CSMD1: variants seen among roughly 807,000 people sequenced by gnomAD.
CSMD1 encodes CUB and Sushi multiple domains 1, also known as CUB and sushi domain-containing protein 1.
Under a neutral mutation model 417.5 loss-of-function variants are expected in CSMD1, and 213 were observed. The ratio of observed to expected loss-of-function variants is 0.51; its 90% CI spans 0.46 to 0.57. The LOEUF is 0.57. CSMD1 is among the 20% of genes least tolerant of loss of function. CSMD1 has a pLI of 0.00. For missense variants in CSMD1, 6,923 were observed against 4,529.7 expected (o/e 1.53, Z -15.17); for synonymous variants, 2,862 against 1,736.8 (o/e 1.65, Z -16.11).
chr8:3,454,527 G>C (rs570740152), intron 12 of CSMD1, among the ~76,000 whole-genome samples: 131 of 152,266 alleles, frequency 8.6e-4, no homozygotes, highest in African/African-American at 2.5e-3. Context: ...GAATCTCTCA[G>C]CATTTGCTTG....
chr8:3,975,544 A>G (rs1172404698), intron 5 of CSMD1, among the ~76,000 whole-genome samples: 1 of 152,148 alleles, frequency 6.6e-6, no homozygotes, highest in Non-Finnish European at 1.5e-5. Flanking sequence ...GGCTTCTCCC[A>G]CTGTCGGGAT....
intron 25 of CSMD1, among the ~76,000 whole-genome samples, chr8:3,292,318 A>G (rs1392693200): frequency 2.6e-5 from 4 of 152,024 alleles, no homozygotes; most frequent in Admixed American, 6.6e-5. Flanking sequence ...TTTGGGGTGG[A>G]GAGTTCTGTA....
chr8:3,088,005 T>C (rs2129006554), intron 48 of CSMD1, among the ~76,000 whole-genome samples: 1 of 152,350 alleles, frequency 6.6e-6, no homozygotes, highest in African/African-American at 2.4e-5. Flanking sequence ...TTCTGGACTG[T>C]ACAATGATGT....
At chr8:3,373,273 C>G (rs569176165) in intron 18 of CSMD1, 12 of 152,282 alleles carry the variant, frequency 7.9e-5, no homozygotes, top group African/African-American at 2.9e-4. Context: ...GCTCTGCCCT[C>G]TTTTTGATGT....
At chr8:3,980,731 C>T (rs1813795167) in intron 5 of CSMD1, among the ~76,000 whole-genome samples, 1 of 152,148 alleles carries the variant, frequency 6.6e-6, no homozygotes, top group African/African-American at 2.4e-5. Flanking sequence ...AAGAAGCCCC[C>T]ACCCTTCTGA....
intron 1 of CSMD1, among the ~76,000 whole-genome samples, chr8:4,915,454 G>A (rs939864574): frequency 6.6e-6 from 1 of 152,144 alleles, no homozygotes; most frequent in African/African-American, 2.4e-5. Context: ...ACATATCTGC[G>A]TACAATCTTC....
chr8:4,538,448 G>C (rs1205398477), intron 2 of CSMD1, among the ~76,000 whole-genome samples: 1 of 151,990 alleles, frequency 6.6e-6, no homozygotes, highest in Non-Finnish European at 1.5e-5. Flanking sequence ...TTTGAGACCA[G>C]CCTGGTCGAC....
chr8:3,475,241 C>G (rs542493054), intron 11 of CSMD1, among the ~76,000 whole-genome samples: 2 of 152,186 alleles, frequency 1.3e-5, no homozygotes, highest in Middle Eastern at 3.2e-3. Flanking sequence ...TTCAGTTTCA[C>G]AGAAAACTGC....
chr8:2,980,063 C>T (rs1429911432), intron 54 of CSMD1, among the ~76,000 whole-genome samples: 1 of 152,212 alleles, frequency 6.6e-6, no homozygotes, highest in Non-Finnish European at 1.5e-5. Context: ...TCAGCTCCCC[C>T]ATGCCATACT....
At chr8:4,384,339 C>T (rs1803302934) in intron 3 of CSMD1, among the ~76,000 whole-genome samples, 1 of 152,148 alleles carries the variant, frequency 6.6e-6, no homozygotes, top group Admixed American at 6.5e-5. Context: ...GCAACGCACA[C>T]ACCACAATGC....
At chr8:4,338,281 T>C (rs1212540211) in intron 3 of CSMD1, among the ~76,000 whole-genome samples, 5 of 152,042 alleles carry the variant, frequency 3.3e-5, no homozygotes, top group African/African-American at 1.2e-4. Flanking sequence ...AGTGCAAGAG[T>C]TCAATGCAGT....
chr8:4,014,525 T>A (rs1003148934), intron 4 of CSMD1, among the ~76,000 whole-genome samples: 17 of 152,216 alleles, frequency 1.1e-4, no homozygotes, highest in South Asian at 2.1e-4. Context: ...CTTCAAGGAC[T>A]ACTATGCGAT....
chr8:3,647,689 G>C (rs1405659795), intron 7 of CSMD1, among the ~76,000 whole-genome samples: 1 of 152,196 alleles, frequency 6.6e-6, no homozygotes, highest in African/African-American at 2.4e-5. Context: ...TACAGTTATT[G>C]TAAGACATTG....
At chr8:4,120,722 A>T (rs1802439310) in intron 3 of CSMD1, among the ~76,000 whole-genome samples, 2 of 152,238 alleles carry the variant, frequency 1.3e-5, no homozygotes, top group African/African-American at 4.8e-5. Flanking sequence ...CTCCAGGCTC[A>T]TGCAGAGAAT....
rs189124094 is a variant in CSMD1, at chr8:3,743,683, C to T, written c.931+10247G>A. ...CAAGATGAAAAGCTCCACACTTCTC[C>T]GTATTTTTTCCCATAAAGACATTCC... On this transcript the variant is annotated intron_variant, in intron 6 of 69. Transcript: ENST00000635120. 7.2e-5 allele frequency among the ~76,000 whole-genome samples: 11 copies of T among 152,246 alleles called. No homozygotes were observed. The East Asian group carries it at 1.7e-3, about 24-fold the overall frequency.
chr8:4,436,298 T>C (rs1388852705), intron 2 of CSMD1, among the ~76,000 whole-genome samples: 3 of 152,158 alleles, frequency 2.0e-5, no homozygotes, highest in Admixed American at 6.6e-5. Context: ...GTTTTTTTCA[T>C]CTTATCTGTT....
intron 1 of CSMD1, among the ~76,000 whole-genome samples, chr8:4,739,966 T>C (rs549458569): frequency 3.9e-5 from 6 of 152,240 alleles, no homozygotes; most frequent in South Asian, 4.1e-4. Context: ...GCTAGGGAAA[T>C]AGCTGACTGG....
intron 5 of CSMD1, among the ~76,000 whole-genome samples, chr8:3,905,716 C>T (rs1448787129): frequency 1.3e-5 from 2 of 152,172 alleles, no homozygotes; most frequent in Non-Finnish European, 2.9e-5. Flanking sequence ...TATCCACATC[C>T]AAGTCCACGC....
chr8:3,991,765 A>G (rs1381210832), intron 5 of CSMD1, among the ~76,000 whole-genome samples: 1 of 152,120 alleles, frequency 6.6e-6, no homozygotes, highest in Non-Finnish European at 1.5e-5. Context: ...AACTTTTTTA[A>G]AAGGAGGAGG....
Sources: allele counts gnomAD v4.1 joint callset (sites outside exome capture counted in the v4.1 genomes callset), GRCh38; gene constraint gnomAD v4.1.1; transcripts MANE v1.5; gene names NCBI Gene and HGNC (gene_info 2026-07-23, HGNC 2026-07-21).